SPOPL: variants seen among roughly 807,000 people sequenced by gnomAD.
The protein encoded by SPOPL is speckle-type POZ protein-like.
In SPOPL, 23 loss-of-function variants were observed where a neutral mutation model predicts 53.8. The observed-to-expected ratio is 0.43, with a 90% confidence interval of 0.31 to 0.61. The LOEUF (loss-of-function observed/expected upper bound fraction) is 0.61, where lower values mean the gene tolerates loss of function less well. Ranked by LOEUF, SPOPL falls within the 20% of genes least tolerant of loss-of-function variation. SPOPL has a pLI of 0.12. For synonymous variants in SPOPL, 164 were observed against 149.7 expected (o/e 1.10, Z -0.70); for missense variants, 442 against 466.9 (o/e 0.95, Z 0.49).
At position 138,542,879 on chromosome 2, in the gene SPOPL, GTTCCTTTCCATGT is replaced by G. The variant is rs1456949689; in HGVS notation, c.-60-7275_-60-7263del. ...GTTTGTGCAGTGGCTGGTACCGGTTGTTCCTTTCCATGTTTAGCGCTTCCTTCAGGAGCTCTTT... is the reference window on the plus strand; with the variant it reads ...GTTTGTGCAGTGGCTGGTACCGGTTGTTAGCGCTTCCTTCAGGAGCTCTTT... On this transcript the variant is annotated intron_variant, in intron 1 of 10. Coordinates refer to ENST00000280098, the MANE Select transcript of SPOPL (RefSeq NM_001001664.3). 5.3e-5 allele frequency among the ~76,000 whole-genome samples: 8 copies of G among 152,174 alleles called. No homozygotes were observed. In the East Asian group the frequency reaches 1.5e-3, roughly 29 times the overall value.
intron 5 of SPOPL, among the ~76,000 whole-genome samples, chr2:138,555,175 C>T (rs1047846826): frequency 9.4e-6 from 1 of 106,414 alleles, no homozygotes; most frequent in African/African-American, 3.1e-5. Flanking sequence ...TGTGTGCGAG[C>T]CAGACTCGCT....
At chr2:138,513,086 G>A (rs186324443) in intron 1 of SPOPL, among the ~76,000 whole-genome samples, 8 of 152,322 alleles carry the variant, frequency 5.3e-5, no homozygotes, top group Admixed American at 4.6e-4. Context: ...AAGGGGGAGA[G>A]CTTTGATGTT....
chr2:138,570,709 GA>G lies in SPOPL; in HGVS notation c.*1635del, dbSNP rs1190426232. On this transcript the variant is annotated 3_prime_UTR_variant, in exon 11 of 11. Coordinates refer to ENST00000280098, the MANE Select transcript of SPOPL (RefSeq NM_001001664.3). ...TTTAATGTTTGAATTCAGGACAAAAGAAAAAATGAAGCTTGAGGTGTTTTCA... is the reference window on the plus strand; with the variant it reads ...TTTAATGTTTGAATTCAGGACAAAAGAAAAATGAAGCTTGAGGTGTTTTCA... The G allele has an allele frequency of 1.3e-5, 2 of 152,046 alleles. No homozygotes were observed. Among genetic ancestry groups the G allele is most frequent in the Non-Finnish European group, 2.9e-5 (2 of 67,978 alleles). The allele number at this position is 152,046 out of a possible 1,614,324, so 9.4% of individuals were successfully genotyped here.
intron 1 of SPOPL, among the ~76,000 whole-genome samples, chr2:138,507,695 A>T (rs1216773390): frequency 2.0e-5 from 3 of 152,242 alleles, no homozygotes; most frequent in African/African-American, 7.2e-5. Flanking sequence ...TGGCCATGCC[A>T]TTTAAAGGTT....
intron 8 of SPOPL, among the ~76,000 whole-genome samples, chr2:138,563,299 A>G (rs1685591105): frequency 6.6e-6 from 1 of 152,132 alleles, no homozygotes; most frequent in Admixed American, 6.5e-5. Flanking sequence ...GCAACATAGT[A>G]AGTCCCCATC....
rs769604011 is a variant in SPOPL, at chr2:138,564,892, AT to A, written c.981-42del. The A allele has an allele frequency of 3.7e-5, 59 of 1,613,666 alleles. No individual in the cohort carries two copies. The African/African-American group carries it at 7.5e-4, about 20-fold the overall frequency. Reference sequence around the variant, plus strand: ...TTTCAGTGGGCATGACAACTTCAATATTTTTTCTCTGGACTTTTTTTTAAGT... The same window carrying A: ...TTTCAGTGGGCATGACAACTTCAATATTTTTCTCTGGACTTTTTTTTAAGT... On this transcript the variant is annotated intron_variant, in intron 9 of 10. Transcript: ENST00000280098.
intron 1 of SPOPL, among the ~76,000 whole-genome samples, chr2:138,515,514 G>C (rs1684419069): frequency 1.3e-5 from 2 of 152,266 alleles, no homozygotes; most frequent in South Asian, 4.1e-4. Flanking sequence ...CTTGTTATTT[G>C]TGGAGTTTTT....
At chr2:138,537,225 A>T (rs543734466) in intron 1 of SPOPL, among the ~76,000 whole-genome samples, 10 of 152,264 alleles carry the variant, frequency 6.6e-5, no homozygotes, top group African/African-American at 2.4e-4. Context: ...TTCGGCTGGG[A>T]GCATCGGCAG....
intron 8 of SPOPL, among the ~76,000 whole-genome samples, chr2:138,563,350 C>T (rs1685593176): frequency 6.6e-6 from 1 of 152,028 alleles, no homozygotes. Context: ...GGTGTGGTGC[C>T]ATGTGCCTTT....
intron 1 of SPOPL, among the ~76,000 whole-genome samples, chr2:138,521,592 G>T (rs1558864346): frequency 6.6e-6 from 1 of 152,038 alleles, no homozygotes; most frequent in East Asian, 1.9e-4. Context: ...CTGGCAGTAA[G>T]TGACAAGGCA....
chr2:138,505,174 C>T (rs1027305675), intron 1 of SPOPL, among the ~76,000 whole-genome samples: 7 of 152,028 alleles, frequency 4.6e-5, no homozygotes, highest in Non-Finnish European at 1.0e-4. Context: ...ATTTAAGCTT[C>T]ACAGCAGAGT....
chr2:138,502,927 C>T (rs1684137731), intron 1 of SPOPL, among the ~76,000 whole-genome samples: 1 of 152,202 alleles, frequency 6.6e-6, no homozygotes, highest in Non-Finnish European at 1.5e-5. Context: ...TCGCTTGTCT[C>T]TTTCCTGACT....
rs538209922 is a variant in SPOPL, at chr2:138,538,491, G to C, written c.-60-11666G>C. On this transcript the variant is annotated intron_variant, in intron 1 of 10. Coordinates refer to ENST00000280098, the MANE Select transcript of SPOPL (RefSeq NM_001001664.3). ...CATAACAATTTTTGACTTAAAGTCT[G>C]TTTTGTCTTATGGTAGCATAGCCAC... Among the ~76,000 whole-genome samples, 477 of 152,228 alleles carry C rather than the reference G, an allele frequency of 3.1e-3. 5 individuals carry two copies. Among genetic ancestry groups the C allele is most frequent in the African/African-American group, 0.011 (459 of 41,542 alleles).
At chr2:138,529,547 C>CGT (rs1684761608) in intron 1 of SPOPL, among the ~76,000 whole-genome samples, 3 of 150,554 alleles carry the variant, frequency 2.0e-5, no homozygotes, top group South Asian at 2.1e-4. Flanking sequence ...TGCGTGCGCG[C>CGT]GCGCTTCTGC....
chr2:138,523,808 G>C (rs970505966), intron 1 of SPOPL, among the ~76,000 whole-genome samples: 7 of 152,182 alleles, frequency 4.6e-5, no homozygotes, highest in African/African-American at 1.4e-4. Flanking sequence ...AAGCAGTTCT[G>C]CCCCTGTGGT....
intron 10 of SPOPL, among the ~76,000 whole-genome samples, chr2:138,568,059 T>C (rs1289480436): frequency 6.6e-6 from 1 of 152,002 alleles, no homozygotes; most frequent in Non-Finnish European, 1.5e-5. Context: ...AAAACTTGGA[T>C]ATGGGCAGTG....
At chr2:138,560,089 AG>A (rs1393542596) in intron 7 of SPOPL, among the ~76,000 whole-genome samples, 1 of 152,238 alleles carries the variant, frequency 6.6e-6, no homozygotes, top group Non-Finnish European at 1.5e-5. Context: ...TCATTTAGTT[AG>A]ATATTTAGCT....
At chr2:138,536,856 A>G (rs1161773473) in intron 1 of SPOPL, among the ~76,000 whole-genome samples, 1 of 152,182 alleles carries the variant, frequency 6.6e-6, no homozygotes, top group Non-Finnish European at 1.5e-5. Context: ...AAACATCTCC[A>G]AGCCCAGGCT....
At chr2:138,553,477 G>A (rs1443336187) in intron 5 of SPOPL, among the ~76,000 whole-genome samples, 1 of 152,112 alleles carries the variant, frequency 6.6e-6, no homozygotes, top group African/African-American at 2.4e-5. Flanking sequence ...TCATAAGAAA[G>A]ATAGTTGAAA....
Sources: allele counts gnomAD v4.1 joint callset (sites outside exome capture counted in the v4.1 genomes callset), GRCh38; gene constraint gnomAD v4.1.1; transcripts MANE v1.5; gene names NCBI Gene and HGNC (gene_info 2026-07-23, HGNC 2026-07-21).